The following SPATA13 variants were observed in gnomAD, a reference collection of about 807,000 sequenced individuals.
The protein encoded by SPATA13 is spermatogenesis associated 13, also known as spermatogenesis-associated protein 13.
A neutral mutation model predicts 104.0 loss-of-function variants in SPATA13; 50 were observed. The ratio of observed to expected loss-of-function variants is 0.48; its 90% CI spans 0.38 to 0.61. SPATA13 has a LOEUF of 0.61. Among genes scored for constraint, SPATA13 ranks in the 20% least tolerant of loss-of-function variants. The pLI, the probability that SPATA13 is intolerant of heterozygous loss-of-function variation, is 0.00. For synonymous variants in SPATA13, 606 were observed against 667.5 expected (o/e 0.91, Z 1.42); for missense variants, 1,524 against 1,690.6 (o/e 0.90, Z 1.73).
rs907556184 is a variant in SPATA13 at position 24,098,375 on chromosome 13, C to A, written c.-112+80674C>A. On this transcript the variant is annotated intron_variant, in intron 3 of 14. Transcript: ENST00000424834. Reference sequence around the variant, plus strand: ...GAATTCAAAGTCAGCCCGGGCAAGACCCCTTCTATTAAAAAAATAATTAAG... The same window carrying A: ...GAATTCAAAGTCAGCCCGGGCAAGAACCCTTCTATTAAAAAAATAATTAAG... Among the ~76,000 whole-genome samples, 4 of 151,346 alleles carry A rather than the reference C, an allele frequency of 2.6e-5. No individual in the cohort carries two copies. The East Asian group carries it at 7.9e-4, about 30-fold the overall frequency.
At position 24,135,983 on chromosome 13, in the gene SPATA13, A is replaced by T. The variant is rs1383355152; in HGVS notation, c.-111-86836A>T. Among the ~76,000 whole-genome samples, 9 of 152,204 alleles carry T rather than the reference A, an allele frequency of 5.9e-5. No homozygotes were observed. In the East Asian group the frequency reaches 1.7e-3, roughly 29 times the overall value. On this transcript the variant is annotated intron_variant, in intron 3 of 14. Coordinates refer to the SPATA13 transcript ENST00000424834. Reference sequence around the variant, plus strand: ...TTAAGTGAATCTTTTGATCTCCTGGAAACAAAGTGTTCACTTTCCTGAGCA... The same window carrying T: ...TTAAGTGAATCTTTTGATCTCCTGGTAACAAAGTGTTCACTTTCCTGAGCA...
chr13:24,089,322 A>T (rs1879840848), intron 3 of SPATA13, among the ~76,000 whole-genome samples: 1 of 152,100 alleles, frequency 6.6e-6, no homozygotes, highest in South Asian at 2.1e-4. Flanking sequence ...CCCACACACC[A>T]CTCGGACCAC....
chr13:24,158,333 GACAGAAAGCC>G (rs1882323584), upstream of SPATA13, among the ~76,000 whole-genome samples: 2 of 152,342 alleles, frequency 1.3e-5, no homozygotes, highest in African/African-American at 4.8e-5. Flanking sequence ...GAGCCATGTT[GACAGAAAGCC>G]ACTGCGGGAG....
At position 24,223,031 on chromosome 13, in the gene SPATA13, G is replaced by C. The variant is rs369711697; in HGVS notation, c.102G>C (p.Ser34=). Residue 34 remains serine, a synonymous_variant, in exon 2 of 13, where the codon TCG becomes TCC. Coordinates refer to ENST00000382108, the MANE Select transcript of SPATA13 (RefSeq NM_001166271.3). The stretch of plus-strand genomic sequence containing the variant: ...GCCCCGCAGCCCCCTGTGCAGGCTC[G>C]GACCTGAAAGACGCCAAGATGGTGA... ...GPGPAAPCAG[S]DLKDAKMVTS... The C allele has an allele frequency of 2.6e-6, 4 of 1,551,522 alleles. No homozygotes were observed. The highest frequency in any genetic ancestry group is 1.2e-5 in the South Asian group (1 of 84,058).
In SPATA13 at chr13:24,088,799, A is replaced by G. The variant is rs577298976; in HGVS notation, c.-112+71098A>G. On this transcript the variant is annotated intron_variant, in intron 3 of 14. Transcript: ENST00000424834. This position sits in a 1 kb window ranked among gnomAD's most constrained non-coding sequence, Gnocchi z 4.3. ...CCATCATTTAATCAATTAACACCAA[A>G]GGCCAGAAATGTGTGACCCCAGCTT... 7.2e-4 allele frequency among the ~76,000 whole-genome samples: 109 copies of G among 152,262 alleles called. 2 individuals carry two copies. In the South Asian group the frequency reaches 0.022, roughly 31 times the overall value.
intron 3 of SPATA13, among the ~76,000 whole-genome samples, chr13:24,127,266 G>C (rs1405204377): frequency 6.6e-6 from 1 of 152,178 alleles, no homozygotes; most frequent in Admixed American, 6.5e-5. Context: ...CTCTGAGGGG[G>C]TGGGAGTAGG....
chr13:24,213,245 G>A (rs762208635), intron 1 of SPATA13, among the ~76,000 whole-genome samples: 4 of 152,072 alleles, frequency 2.6e-5, no homozygotes, highest in South Asian at 2.1e-4. Context: ...TACCCACTTC[G>A]GAACACTGCA....
chr13:24,097,469 T>C lies in SPATA13; in HGVS notation c.-112+79768T>C, dbSNP rs75081163. On this transcript the variant is annotated intron_variant, in intron 3 of 14. Transcript: ENST00000424834. ...TTTTGAGTGTGTGGGTGATGACCAC[T>C]TTTTCCTAGCTCAAAGGCAAAAATA... 7.4e-4 allele frequency among the ~76,000 whole-genome samples: 112 copies of C among 152,226 alleles called. 2 individuals carry two copies. The East Asian group carries it at 0.018, about 25-fold the overall frequency.
intron 4 of SPATA13, among the ~76,000 whole-genome samples, chr13:24,272,455 C>G (rs1874680740): frequency 6.6e-6 from 1 of 152,208 alleles, no homozygotes; most frequent in Non-Finnish European, 1.5e-5. Flanking sequence ...AAAATGACAA[C>G]AAGCACCATA....
At chr13:24,040,506 C>G (rs1047752655) in intron 3 of SPATA13, among the ~76,000 whole-genome samples, 1 of 152,132 alleles carries the variant, frequency 6.6e-6, no homozygotes, top group Non-Finnish European at 1.5e-5. Flanking sequence ...TACAGACACA[C>G]AGATGGGGTT....
intron 4 of SPATA13, among the ~76,000 whole-genome samples, chr13:24,260,958 G>A (rs1874035906): frequency 6.6e-6 from 1 of 152,162 alleles, no homozygotes; most frequent in South Asian, 2.1e-4. Flanking sequence ...TTGGCTTAGG[G>A]CTTTTAGGCA....
chr13:24,132,388 A>G (rs531718935), intron 3 of SPATA13, among the ~76,000 whole-genome samples: 34 of 152,302 alleles, frequency 2.2e-4, no homozygotes, highest in Middle Eastern at 3.4e-3. Flanking sequence ...CTGTACTCCA[A>G]TATATCAGAC....
chr13:23,986,506 AT>A (rs1335655056), intron 2 of SPATA13, among the ~76,000 whole-genome samples: 2 of 152,164 alleles, frequency 1.3e-5, no homozygotes, highest in Non-Finnish European at 2.9e-5. Flanking sequence ...TTCTCTAAGA[AT>A]CCCAAATGCC....
intron 5 of SPATA13, among the ~76,000 whole-genome samples, chr13:24,285,006 A>G (rs1052628358): frequency 1.3e-5 from 2 of 152,026 alleles, no homozygotes; most frequent in Non-Finnish European, 2.9e-5. Flanking sequence ...CTGCAGCTTT[A>G]GCTTTTTTTT....
chr13:24,122,550 T>G, intron 3 of SPATA13: 1 of 1,571,858 alleles, frequency 6.4e-7, no homozygotes, highest in Non-Finnish European at 8.8e-7. Context: ...GCCACGCCCT[T>G]TGCACTGCAG....
At chr13:24,284,719 G>A (rs1255312684) in intron 5 of SPATA13, among the ~76,000 whole-genome samples, 1 of 152,112 alleles carries the variant, frequency 6.6e-6, no homozygotes, top group African/African-American at 2.4e-5. Context: ...GAAAATATAT[G>A]GGATTAAGCT....
chr13:24,096,740 C>T (rs1156821566), intron 3 of SPATA13, among the ~76,000 whole-genome samples: 1 of 152,032 alleles, frequency 6.6e-6, no homozygotes, highest in African/African-American at 2.4e-5. Flanking sequence ...AAGAGCATCC[C>T]AAGCAGAGGC....
At chr13:24,172,083 C>T (rs1427817036) in intron 1 of SPATA13, among the ~76,000 whole-genome samples, 1 of 152,298 alleles carries the variant, frequency 6.6e-6, no homozygotes, top group East Asian at 1.9e-4. Context: ...AGGATCCCTC[C>T]TGCTTGTCCA....
chr13:24,234,723 G>A (rs1043611147), intron 2 of SPATA13, among the ~76,000 whole-genome samples: 2 of 152,146 alleles, frequency 1.3e-5, no homozygotes, highest in African/African-American at 4.8e-5. Context: ...ATAGAGAGAG[G>A]GGCCCTGTGG....
Sources: gnomAD v4.1 joint callset for allele counts (sites outside exome capture counted in the v4.1 genomes callset) on GRCh38, gnomAD v4.1.1 for gene constraint, Gnocchi (gnomAD v3.1) non-coding constraint, MANE v1.5 for transcripts, NCBI Gene and HGNC (gene_info 2026-07-23, HGNC 2026-07-21) for gene names.